ANKRD55: variants seen among roughly 807,000 people sequenced by gnomAD.
ANKRD55 encodes ankyrin repeat domain-containing protein 55.
ANKRD55 carries 41 observed loss-of-function variants against 60.6 expected under a neutral mutation model. That is an observed-to-expected ratio of 0.68 (90% CI 0.53 to 0.88). The LOEUF is 0.88. Among genes scored for constraint, ANKRD55 ranks in the 40% least tolerant of loss-of-function variants. The pLI is 0.00. For missense variants in ANKRD55, 732 were observed against 767.6 expected (o/e 0.95, Z 0.55); for synonymous variants, 264 against 290.3 (o/e 0.91, Z 0.92).
Position 56,100,026 on chromosome 5 carries a change from ATCTT to A in ANKRD55, c.*153_*156del. 7.3e-6 allele frequency: 7 copies of A among 957,988 alleles called. No individual in the cohort carries two copies. In the South Asian group the frequency reaches 8.0e-5, roughly 11 times the overall value. 59.3% of individuals were successfully genotyped at this position (957,988 alleles called of 1,614,324 possible). The stretch of plus-strand genomic sequence containing the variant: ...TATTCTAAGTGCTTATTTAGGGAGT[ATCTT>A]TATTTGGAATAAAGAATTTCGAGTT... On this transcript the variant is annotated 3_prime_UTR_variant, in exon 12 of 12. Transcript: ENST00000341048.
chr5:56,143,410 C>G (rs909484655), intron 7 of ANKRD55, among the ~76,000 whole-genome samples: 2 of 152,126 alleles, frequency 1.3e-5, no homozygotes, highest in African/African-American at 4.8e-5. Flanking sequence ...GTGTAGAATT[C>G]AGGATCACCT....
At chr5:56,110,166 A>G (rs1756636121) in intron 10 of ANKRD55, among the ~76,000 whole-genome samples, 1 of 151,678 alleles carries the variant, frequency 6.6e-6, no homozygotes, top group African/African-American at 2.4e-5. Context: ...AGAGACCGAG[A>G]AGGGAGGATT....
At chr5:56,171,527 A>G (rs1334076017) in intron 4 of ANKRD55, among the ~76,000 whole-genome samples, 1 of 152,182 alleles carries the variant, frequency 6.6e-6, no homozygotes, top group Non-Finnish European at 1.5e-5. Flanking sequence ...ACTTCAGGCT[A>G]GCCCTCCCTC....
At chr5:56,226,050 C>A (rs139773565) in intron 2 of ANKRD55, among the ~76,000 whole-genome samples, 1 of 152,166 alleles carries the variant, frequency 6.6e-6, no homozygotes, top group Admixed American at 6.5e-5. Flanking sequence ...AAGAACAAAG[C>A]TAGAGGCATC....
intron 2 of ANKRD55, among the ~76,000 whole-genome samples, chr5:56,190,015 T>C (rs540143678): frequency 2.9e-4 from 44 of 152,364 alleles, no homozygotes; most frequent in Admixed American, 2.7e-3. Flanking sequence ...AAAAAAATAA[T>C]AGCCATCCTA....
Position 56,147,824 on chromosome 5 carries a change from C to T in ANKRD55, c.484-3895G>A, listed in dbSNP as rs186914354. Among the ~76,000 whole-genome samples, 244 of 152,208 alleles carry T rather than the reference C, an allele frequency of 1.6e-3. 2 individuals carry two copies. Among genetic ancestry groups the T allele is most frequent in the Admixed American group, 5.8e-3 (89 of 15,296 alleles). On this transcript the variant is annotated intron_variant, in intron 6 of 11. Coordinates refer to ENST00000341048, the MANE Select transcript of ANKRD55 (RefSeq NM_024669.3). The stretch of plus-strand genomic sequence containing the variant: ...GCTTTCAAAAGCAGCTCAAAGGCAG[C>T]GGTTGGTATTGCACACTTTATTTAG...
At chr5:56,151,550 C>A (rs879005673) in intron 6 of ANKRD55, among the ~76,000 whole-genome samples, 1 of 151,998 alleles carries the variant, frequency 6.6e-6, no homozygotes, top group Non-Finnish European at 1.5e-5. Flanking sequence ...TGGTGGCTCA[C>A]GCCTATAATC....
rs1384085944 is a variant in ANKRD55 at position 56,232,896 on chromosome 5, G to T, written c.18C>A (p.Thr6=). 6.2e-7 allele frequency: 1 copy of T among 1,614,118 alleles called. No homozygotes were observed. The highest frequency in any genetic ancestry group is 1.7e-5 in the Admixed American group (1 of 60,016). ...ACACAGAAGGGGTGCTGAAATCCAT[G>T]GTAGCCTGTCTCATCATTTACCATC... is the stretch of plus-strand genomic sequence containing the variant. MMRQA[T]MDFSTPSVFD... The change falls in exon 2 of 12, where the codon ACC becomes ACA. Residue 6 remains threonine (T), a synonymous_variant. Coordinates refer to ENST00000341048, the MANE Select transcript of ANKRD55 (RefSeq NM_024669.3).
intron 3 of ANKRD55, among the ~76,000 whole-genome samples, chr5:56,182,035 T>G (rs1300089349): frequency 6.6e-6 from 1 of 152,232 alleles, no homozygotes; most frequent in Non-Finnish European, 1.5e-5. Flanking sequence ...TACTAGCTCA[T>G]AAACATAACT....
chr5:56,123,100 C>A (rs1322520833), intron 8 of ANKRD55, among the ~76,000 whole-genome samples: 1 of 152,070 alleles, frequency 6.6e-6, no homozygotes, highest in Admixed American at 6.6e-5. Context: ...GAATGACTAT[C>A]CCTCTGGTAA....
At chr5:56,108,061 C>T (rs891646998) in intron 10 of ANKRD55, among the ~76,000 whole-genome samples, 1 of 151,870 alleles carries the variant, frequency 6.6e-6, no homozygotes, top group Admixed American at 6.6e-5. Context: ...TTTGTAGAGA[C>T]GAAGCTTAAC....
intron 7 of ANKRD55, among the ~76,000 whole-genome samples, chr5:56,139,075 G>A (rs1184429171): frequency 2.2e-4 from 28 of 128,034 alleles, no homozygotes; most frequent in Admixed American, 3.3e-4. Context: ...GCAATTTATT[G>A]TCAGTGGGGC....
intron 5 of ANKRD55, among the ~76,000 whole-genome samples, chr5:56,168,675 AT>A (rs1366756562): frequency 6.6e-6 from 1 of 152,310 alleles, no homozygotes. Flanking sequence ...CTTGGAACAT[AT>A]CCCCTCCAGG....
At chr5:56,227,687 T>C (rs922104323) in intron 2 of ANKRD55, among the ~76,000 whole-genome samples, 5 of 152,076 alleles carry the variant, frequency 3.3e-5, no homozygotes, top group Non-Finnish European at 7.4e-5. Context: ...GAACACCGGT[T>C]TTGAAGTGAA....
chr5:56,167,092 G>A (rs1404223524), intron 5 of ANKRD55, among the ~76,000 whole-genome samples: 1 of 152,176 alleles, frequency 6.6e-6, no homozygotes, highest in Non-Finnish European at 1.5e-5. Context: ...CTTTAGGGTG[G>A]ACTAGTTTCC....
At chr5:56,217,182 T>C (rs569968084) in intron 2 of ANKRD55, among the ~76,000 whole-genome samples, 3 of 152,204 alleles carry the variant, frequency 2.0e-5, no homozygotes, top group Admixed American at 6.5e-5. Flanking sequence ...GCCTGGATGA[T>C]AGCAAATCTA....
chr5:56,129,954 G>A (rs1254459134), intron 7 of ANKRD55, among the ~76,000 whole-genome samples: 1 of 152,204 alleles, frequency 6.6e-6, no homozygotes, highest in Admixed American at 6.5e-5. Flanking sequence ...GAGACAAAAG[G>A]AACATCTAGA....
At chr5:56,135,305 T>G (rs578018728) in intron 7 of ANKRD55, among the ~76,000 whole-genome samples, 1 of 9,380 alleles carries the variant, frequency 1.1e-4, no homozygotes, top group Non-Finnish European at 2.2e-4. Context: ...CTTTCTTTCT[T>G]TCTTTCTTTC....
chr5:56,136,021 G>T (rs1561264567), intron 7 of ANKRD55, among the ~76,000 whole-genome samples: 2 of 151,900 alleles, frequency 1.3e-5, no homozygotes, highest in South Asian at 2.1e-4. Flanking sequence ...AGAGCTATAT[G>T]AAAAAATCTA....
Sources: allele counts gnomAD v4.1 joint callset (sites outside exome capture counted in the v4.1 genomes callset), GRCh38; gene constraint gnomAD v4.1.1; transcripts MANE v1.5; gene names NCBI Gene and HGNC (gene_info 2026-07-23, HGNC 2026-07-21).